The following PTPRG variants were observed in gnomAD, a reference collection of about 807,000 sequenced individuals.
The protein encoded by PTPRG is receptor-type tyrosine-protein phosphatase gamma.
Under a neutral mutation model 165.3 loss-of-function variants are expected in PTPRG, and 102 were observed. The ratio of observed to expected loss-of-function variants is 0.62; its 90% CI spans 0.53 to 0.73. The LOEUF is 0.73. Among genes scored for constraint, PTPRG ranks in the 30% least tolerant of loss-of-function variants. The pLI is 0.00. For synonymous variants in PTPRG, 675 were observed against 669.5 expected, an observed-to-expected ratio of 1.01 and a Z score of -0.13; for missense variants, 1,866 against 1,861.4, an observed-to-expected ratio of 1.00 and a Z score of -0.05.
chr3:61,834,629 A>G (rs972914175), intron 2 of PTPRG, among the ~76,000 whole-genome samples: 2 of 152,194 alleles, frequency 1.3e-5, no homozygotes, highest in Non-Finnish European at 2.9e-5. Flanking sequence ...CCTGGCCAAC[A>G]TGGTGAAACA....
chr3:61,682,318 A>T (rs1031206593), intron 1 of PTPRG, among the ~76,000 whole-genome samples: 1 of 152,094 alleles, frequency 6.6e-6, no homozygotes, highest in Non-Finnish European at 1.5e-5. Context: ...TAAGAAATTC[A>T]CTCGAGTATT....
chr3:61,787,558 G>A (rs2034745142), intron 2 of PTPRG, among the ~76,000 whole-genome samples: 1 of 152,196 alleles, frequency 6.6e-6, no homozygotes, highest in Admixed American at 6.5e-5. Context: ...ATGCGGGACA[G>A]TACAGTTACT....
At chr3:61,756,284 T>G (rs1253177101) in intron 2 of PTPRG, among the ~76,000 whole-genome samples, 2 of 152,228 alleles carry the variant, frequency 1.3e-5, no homozygotes, top group African/African-American at 4.8e-5. Flanking sequence ...TAAATGTTTT[T>G]GGATAGGAGG....
chr3:61,584,977 G>A lies in PTPRG; in HGVS notation c.85+22605G>A, dbSNP rs139709265. Among the ~76,000 whole-genome samples the A allele has an allele frequency of 3.0e-3, 456 of 152,220 alleles. 1 individual carries two copies. The highest frequency in any genetic ancestry group is 5.6e-3 in the Admixed American group (85 of 15,290). On this transcript the variant is annotated intron_variant, in intron 1 of 29. Transcript: ENST00000474889. ...AATTATTGAAGTATAGCAAATGTTC[G>A]TTACAGAAAATAGGGGAATTCAGCT... is the stretch of plus-strand genomic sequence containing the variant.
intron 7 of PTPRG, among the ~76,000 whole-genome samples, chr3:62,165,335 A>T (rs1331402205): frequency 1.3e-5 from 2 of 152,266 alleles, no homozygotes; most frequent in Non-Finnish European, 2.9e-5. Flanking sequence ...GAAATCAGAA[A>T]CCTGCTCTCA....
rs141747630 is a variant in PTPRG at position 62,247,538 on chromosome 3, A to T, written c.2467+3640A>T. On this transcript the variant is annotated intron_variant, in intron 15 of 29. Transcript: ENST00000474889. ...TAATTCTTGGGTTGACATTTTCCCC[A>T]TATTAAAAAAATCTCCCCTCTCATC... Among the ~76,000 whole-genome samples, 18 of 152,214 alleles carry T rather than the reference A, an allele frequency of 1.2e-4. No individual in the cohort carries two copies. In the East Asian group the frequency reaches 3.1e-3, roughly 26 times the overall value.
At chr3:62,175,448 T>G (rs1335860618) in intron 8 of PTPRG, among the ~76,000 whole-genome samples, 7 of 152,180 alleles carry the variant, frequency 4.6e-5, no homozygotes, top group Admixed American at 4.6e-4. Flanking sequence ...AGCCTACGTC[T>G]CTTAAAAAGA....
chr3:61,647,791 C>CAAAAAAAA (rs58020589), intron 1 of PTPRG, among the ~76,000 whole-genome samples: 2,353 of 92,624 alleles, frequency 0.025, 168 homozygotes, highest in Non-Finnish European at 0.031. Flanking sequence ...GACTCCGTCT[C>CAAAAAAAA]AAAAAAAAAA....
At chr3:61,890,563 A>G (rs1048929201) in intron 2 of PTPRG, among the ~76,000 whole-genome samples, 1 of 151,820 alleles carries the variant, frequency 6.6e-6, no homozygotes, top group Non-Finnish European at 1.5e-5. Flanking sequence ...AGCTATTTTT[A>G]TAATAATGTT....
chr3:61,870,122 C>T (rs933291546), intron 2 of PTPRG, among the ~76,000 whole-genome samples: 2 of 152,054 alleles, frequency 1.3e-5, no homozygotes, highest in African/African-American at 2.4e-5. Flanking sequence ...AGGACACAAA[C>T]ATTTAGTCTA....
chr3:61,871,960 GC>G (rs2037598089), intron 2 of PTPRG, among the ~76,000 whole-genome samples: 2 of 152,278 alleles, frequency 1.3e-5, no homozygotes, highest in South Asian at 4.1e-4. Flanking sequence ...CAAGCTCAGA[GC>G]CAAAGCTCTC....
intron 4 of PTPRG, among the ~76,000 whole-genome samples, chr3:62,019,350 C>T (rs1359857155): frequency 2.0e-5 from 3 of 151,954 alleles, no homozygotes; most frequent in Non-Finnish European, 1.5e-5. Context: ...GGGGAAACCC[C>T]ATCTCTACCA....
intron 2 of PTPRG, among the ~76,000 whole-genome samples, chr3:61,951,898 T>G (rs566203820): frequency 6.6e-6 from 1 of 152,146 alleles, no homozygotes; most frequent in South Asian, 2.1e-4. Context: ...GGCGGGCAGA[T>G]CACGAGGTCA....
Position 62,243,824 on chromosome 3 carries a change from C to T in PTPRG, c.2393C>T (p.Ala798Val), listed in dbSNP as rs1193907254. 1.3e-6 allele frequency: 2 copies of T among 1,589,606 alleles called. No individual in the cohort carries two copies. Among genetic ancestry groups the T allele is most frequent in the South Asian group, 1.1e-5 (1 of 90,018 alleles). The change falls in exon 15 of 30, where the codon GCT becomes GTT. Residue 798 changes from alanine (A) to valine (V), a missense_variant. Ala to Val is a moderately conservative substitution (Grantham distance 64). Coordinates refer to ENST00000474889, the MANE Select transcript of PTPRG (RefSeq NM_002841.4). ...EKGSRKCFQTAHFYVEDSSSP... is the reference protein window; with the variant it reads ...EKGSRKCFQTVHFYVEDSSSP... ...CTACACAGAAAATGTTTTCAGACTG[C>T]TCATTTCTATGTGGAAGACAGCAGT...
chr3:62,052,026 A>T (rs549567811), intron 4 of PTPRG, among the ~76,000 whole-genome samples: 1 of 152,174 alleles, frequency 6.6e-6, no homozygotes, highest in Non-Finnish European at 1.5e-5. Context: ...TCTTCTGAGT[A>T]AAAAAAGGAT....
At chr3:62,163,320 A>G (rs2106718539) in intron 7 of PTPRG, among the ~76,000 whole-genome samples, 1 of 152,308 alleles carries the variant, frequency 6.6e-6, no homozygotes, top group South Asian at 2.1e-4. Context: ...TAATACTGCT[A>G]TTAATAATAA....
chr3:62,133,326 GATGTA>G (rs1205796634), intron 6 of PTPRG, among the ~76,000 whole-genome samples: 3 of 152,150 alleles, frequency 2.0e-5, no homozygotes, highest in Non-Finnish European at 2.9e-5. Flanking sequence ...GTGTAGTCGA[GATGTA>G]ATGTAATGAT....
At chr3:61,855,739 T>C (rs2107381646) in intron 2 of PTPRG, among the ~76,000 whole-genome samples, 1 of 150,416 alleles carries the variant, frequency 6.6e-6, no homozygotes, top group African/African-American at 2.4e-5. Context: ...CTTCTCATAC[T>C]CTTGGTTTAC....
At chr3:61,792,731 T>G (rs1344597697) in intron 2 of PTPRG, among the ~76,000 whole-genome samples, 2 of 95,702 alleles carry the variant, frequency 2.1e-5, no homozygotes, top group East Asian at 5.5e-4. Flanking sequence ...TTTCTTTCTT[T>G]CTTTCTTTCT....
Sources: gnomAD v4.1 joint callset for allele counts (sites outside exome capture counted in the v4.1 genomes callset) on GRCh38, gnomAD v4.1.1 for gene constraint, MANE v1.5 for transcripts, NCBI Gene and HGNC (gene_info 2026-07-23, HGNC 2026-07-21) for gene names.